The following PPARGC1A variants were observed in gnomAD, a reference collection of about 807,000 sequenced individuals.
PPARGC1A encodes the protein PPARG coactivator 1 alpha.
A neutral mutation model predicts 88.7 loss-of-function variants in PPARGC1A; 25 were observed. That is an observed-to-expected ratio of 0.28 (90% CI 0.21 to 0.39). PPARGC1A has a LOEUF of 0.39. Among genes scored for constraint, PPARGC1A ranks in the 10% least tolerant of loss-of-function variants. PPARGC1A has a pLI of 1.00. For synonymous variants in PPARGC1A, 363 were observed against 355.6 expected, an observed-to-expected ratio of 1.02 and a Z score of -0.24; for missense variants, 880 against 968.7, an observed-to-expected ratio of 0.91 and a Z score of 1.22.
intron 2 of PPARGC1A, among the ~76,000 whole-genome samples, chr4:23,857,380 A>ATGTGTGTG (rs1730384295): frequency 7.3e-6 from 1 of 136,826 alleles, no homozygotes; most frequent in Non-Finnish European, 1.6e-5. Flanking sequence ...TGTGACACAC[A>ATGTGTGTG]CACACACGCA....
the PPARGC1A span, among the ~76,000 whole-genome samples, chr4:24,149,791 G>T: frequency 6.6e-6 from 1 of 152,154 alleles, no homozygotes; most frequent in African/African-American, 2.4e-5. Flanking sequence ...AGTTCCTCCT[G>T]CATTAAGCTA....
chr4:24,212,554 G>A, the PPARGC1A span, among the ~76,000 whole-genome samples: 18 of 152,064 alleles, frequency 1.2e-4, 1 homozygote, highest in Non-Finnish European at 5.9e-5. Context: ...ACAATGCCTG[G>A]TGCCTGGTAT....
chr4:24,023,395 G>T, the PPARGC1A span, among the ~76,000 whole-genome samples: 2 of 152,098 alleles, frequency 1.3e-5, no homozygotes, highest in Admixed American at 6.5e-5. Context: ...AAAAAAAACA[G>T]ATAAGGGCCA....
the PPARGC1A span, among the ~76,000 whole-genome samples, chr4:24,245,629 C>T: frequency 2.0e-5 from 3 of 152,152 alleles, no homozygotes; most frequent in African/African-American, 7.2e-5. Flanking sequence ...GTACGAGGAC[C>T]ACACACAGCT....
the PPARGC1A span, among the ~76,000 whole-genome samples, chr4:23,985,355 T>C: frequency 1.3e-5 from 2 of 152,018 alleles, no homozygotes; most frequent in African/African-American, 2.4e-5. Flanking sequence ...TGTATTCTGA[T>C]GGAAAGTCTG....
the PPARGC1A span, among the ~76,000 whole-genome samples, chr4:24,281,460 A>G: frequency 6.6e-6 from 1 of 152,080 alleles, no homozygotes; most frequent in Non-Finnish European, 1.5e-5. Context: ...GCTCTTTGTG[A>G]CGACCAGTTC....
At chr4:24,412,639 G>A in the PPARGC1A span, among the ~76,000 whole-genome samples, 1 of 152,024 alleles carries the variant, frequency 6.6e-6, no homozygotes. Context: ...CACCATCATG[G>A]CCAGCTAATT....
chr4:24,006,761 C>A, the PPARGC1A span, among the ~76,000 whole-genome samples: 1 of 152,012 alleles, frequency 6.6e-6, no homozygotes, highest in African/African-American at 2.4e-5. Context: ...TCGTGTGTAG[C>A]TAGATGTGCC....
At chr4:24,092,996 C>A in the PPARGC1A span, among the ~76,000 whole-genome samples, 1 of 152,174 alleles carries the variant, frequency 6.6e-6, no homozygotes, top group Non-Finnish European at 1.5e-5. Flanking sequence ...ACAATATCAA[C>A]CATAATCATC....
chr4:23,917,848 T>C, the PPARGC1A span, among the ~76,000 whole-genome samples: 1 of 152,222 alleles, frequency 6.6e-6, no homozygotes, highest in South Asian at 2.1e-4. Context: ...GATATCCAAA[T>C]GCATGAAAAC....
At chr4:24,219,164 T>C in the PPARGC1A span, among the ~76,000 whole-genome samples, 1 of 152,334 alleles carries the variant, frequency 6.6e-6, no homozygotes, top group Admixed American at 6.5e-5. Flanking sequence ...CAGCCAAACC[T>C]CTTGGAGATG....
At chr4:23,878,639 T>C (rs1577630490) in intron 2 of PPARGC1A, among the ~76,000 whole-genome samples, 2 of 152,140 alleles carry the variant, frequency 1.3e-5, no homozygotes. Context: ...AAAACCACAG[T>C]GCTTAAATGA....
chr4:24,100,046 C>T, the PPARGC1A span, among the ~76,000 whole-genome samples: 8 of 151,718 alleles, frequency 5.3e-5, no homozygotes, highest in Non-Finnish European at 1.2e-4. Flanking sequence ...GGGTGCAGCA[C>T]ACCAACATGG....
the PPARGC1A span, among the ~76,000 whole-genome samples, chr4:23,998,487 TA>T: frequency 1.3e-5 from 2 of 152,136 alleles, no homozygotes; most frequent in Admixed American, 1.3e-4. Context: ...AATGTCAGGA[TA>T]AAGTATCAAA....
the PPARGC1A span, among the ~76,000 whole-genome samples, chr4:24,022,583 G>A: frequency 6.6e-6 from 1 of 152,154 alleles, no homozygotes; most frequent in African/African-American, 2.4e-5. Context: ...TGGTAATGGT[G>A]AGCAATGAGC....
chr4:24,224,427 C>T, the PPARGC1A span, among the ~76,000 whole-genome samples: 1 of 152,294 alleles, frequency 6.6e-6, no homozygotes, highest in East Asian at 1.9e-4. Context: ...CTCAAGGACA[C>T]ATCATACAGG....
chr4:24,097,262 A>G, the PPARGC1A span, among the ~76,000 whole-genome samples: 375 of 152,322 alleles, frequency 2.5e-3, 2 homozygotes, highest in African/African-American at 8.6e-3. Context: ...TAGAGGAGAA[A>G]ACAAAAAAGT....
chr4:23,935,953 CAAG>C, the PPARGC1A span, among the ~76,000 whole-genome samples: 1 of 151,140 alleles, frequency 6.6e-6, no homozygotes, highest in Non-Finnish European at 1.5e-5. Flanking sequence ...GTATTTTTTT[CAAG>C]AAGAAAATAG....
chr4:24,231,765 CT>C, the PPARGC1A span, among the ~76,000 whole-genome samples: 1 of 151,474 alleles, frequency 6.6e-6, no homozygotes, highest in East Asian at 1.9e-4. Flanking sequence ...TTTTTGCCAA[CT>C]CAAAATCCAG....
Sources: allele counts gnomAD v4.1 joint callset (sites outside exome capture counted in the v4.1 genomes callset), GRCh38; gene constraint gnomAD v4.1.1; transcripts MANE v1.5; gene names NCBI Gene and HGNC (gene_info 2026-07-23, HGNC 2026-07-21).